The following LMO7 variants were observed in gnomAD, a reference collection of about 807,000 sequenced individuals.
The protein encoded by LMO7 is LIM domain 7.
Under a neutral mutation model 206.5 loss-of-function variants are expected in LMO7, and 120 were observed. The observed-to-expected ratio is 0.58, with a 90% CI of 0.50 to 0.68. The LOEUF (loss-of-function observed/expected upper bound fraction) is 0.68, where lower values mean the gene tolerates loss of function less well. LMO7 is among the 30% of genes least tolerant of loss of function. The pLI, the probability that LMO7 is intolerant of heterozygous loss-of-function variation, is 0.00. For synonymous variants in LMO7, 706 were observed against 681.5 expected (o/e 1.04, Z -0.56); for missense variants, 1,959 against 1,957.9 (o/e 1.00, Z -0.01).
chr13:75,711,177 G>T (rs2043082039), intron 1 of LMO7, among the ~76,000 whole-genome samples: 2 of 152,324 alleles, frequency 1.3e-5, no homozygotes, highest in Admixed American at 6.5e-5. Flanking sequence ...TAAGCTTCTT[G>T]ATGTGCTGCT....
At chr13:75,649,452 G>A (rs528439415) in intron 1 of LMO7, among the ~76,000 whole-genome samples, 32 of 152,274 alleles carry the variant, frequency 2.1e-4, no homozygotes, top group Middle Eastern at 6.8e-3. Context: ...ATAGTGTTCC[G>A]GACTAGAAGT....
intron 1 of LMO7, among the ~76,000 whole-genome samples, chr13:75,692,535 A>G (rs2041576561): frequency 1.3e-5 from 2 of 151,894 alleles, no homozygotes; most frequent in Non-Finnish European, 2.9e-5. Context: ...ACAGGCGCAC[A>G]CCACCATGCC....
chr13:75,700,652 C>T (rs2042225148), intron 1 of LMO7, among the ~76,000 whole-genome samples: 3 of 152,220 alleles, frequency 2.0e-5, no homozygotes, highest in African/African-American at 7.2e-5. Flanking sequence ...ATTAGGTCAA[C>T]CATGGGTGAC....
intron 1 of LMO7, among the ~76,000 whole-genome samples, chr13:75,711,867 A>T (rs1473717477): frequency 6.6e-6 from 1 of 152,224 alleles, no homozygotes; most frequent in Non-Finnish European, 1.5e-5. Context: ...AATGCCTGTA[A>T]CAGACACTCA....
At chr13:75,766,754 T>C (rs80039730) in intron 4 of LMO7, among the ~76,000 whole-genome samples, 1 of 152,126 alleles carries the variant, frequency 6.6e-6, no homozygotes, top group Non-Finnish European at 1.5e-5. Flanking sequence ...TTCTAGAGAC[T>C]TGAAACTATT....
At chr13:75,632,395 C>A (rs1408222237), upstream of LMO7, among the ~76,000 whole-genome samples, 2 of 152,074 alleles carry the variant, frequency 1.3e-5, no homozygotes, top group East Asian at 1.9e-4. Context: ...ATGAAATCTC[C>A]ATTTTTTAGG....
intron 1 of LMO7, among the ~76,000 whole-genome samples, chr13:75,685,794 G>T (rs2040922872): frequency 6.6e-6 from 1 of 151,778 alleles, no homozygotes; most frequent in South Asian, 2.1e-4. Flanking sequence ...TGAAATGAGG[G>T]ATGATAAATA....
chr13:75,844,313 ATG>A (rs921549767), intron 25 of LMO7, among the ~76,000 whole-genome samples: 21 of 151,586 alleles, frequency 1.4e-4, no homozygotes, highest in African/African-American at 5.1e-4. Flanking sequence ...ATTTACACAT[ATG>A]TAATATATAC....
chr13:75,724,132 G>A (rs971119854), intron 2 of LMO7, among the ~76,000 whole-genome samples: 1 of 152,082 alleles, frequency 6.6e-6, no homozygotes, highest in Non-Finnish European at 1.5e-5. Flanking sequence ...TGAGGTTTGG[G>A]AGGAATTCCA....
At chr13:75,733,897 C>T (rs924505308) in intron 3 of LMO7, among the ~76,000 whole-genome samples, 2 of 152,224 alleles carry the variant, frequency 1.3e-5, no homozygotes, top group Non-Finnish European at 2.9e-5. Flanking sequence ...TTCTGAAGCT[C>T]AGCCCTGTGT....
intron 4 of LMO7, among the ~76,000 whole-genome samples, chr13:75,779,979 C>T (rs545699422): frequency 6.6e-5 from 10 of 152,014 alleles, no homozygotes; most frequent in Non-Finnish European, 1.3e-4. Flanking sequence ...CCCCCTGAGC[C>T]GCAAAACCAG....
rs189310936 is a variant in LMO7 at position 75,745,235 on chromosome 13, G to A, written c.211-15697G>A. Among the ~76,000 whole-genome samples the A allele has an allele frequency of 1.4e-3, 208 of 152,240 alleles. 1 individual carries two copies. The highest frequency in any genetic ancestry group is 0.014 in the Middle Eastern group (4 of 294). On this transcript the variant is annotated intron_variant, in intron 3 of 30. Transcript: ENST00000377534. ...AGAATGAGAAGAAGTAGTCAAGTGA[G>A]GCTGTTAAGGCATCATGGGCTTTGT...
At chr13:75,734,608 T>C (rs757717963) in intron 3 of LMO7, among the ~76,000 whole-genome samples, 3 of 152,180 alleles carry the variant, frequency 2.0e-5, no homozygotes, top group Non-Finnish European at 4.4e-5. Flanking sequence ...ATAAGGGTGT[T>C]GGTTGCAGAG....
chr13:75,800,540 T>G (rs1271370663), intron 6 of LMO7, 144 bp from the exon 7 acceptor site: 2 of 675,206 alleles, frequency 3.0e-6, no homozygotes, highest in Non-Finnish European at 5.0e-6. Context: ...ATCAGCTTTT[T>G]GCTGTGTCCG....
upstream of LMO7, chr13:75,631,878 T>C (rs1470043994): frequency 6.6e-6 from 1 of 152,194 alleles, no homozygotes. Context: ...TCTACCGCCG[T>C]TACTCATTCT....
chr13:75,769,680 C>T (rs958951729), intron 4 of LMO7, among the ~76,000 whole-genome samples: 1 of 152,026 alleles, frequency 6.6e-6, no homozygotes, highest in Non-Finnish European at 1.5e-5. Flanking sequence ...GGGAGAAGCA[C>T]CTGCTTTGAA....
At chr13:75,642,330 C>T (rs1235573040) in intron 1 of LMO7, among the ~76,000 whole-genome samples, 1 of 150,260 alleles carries the variant, frequency 6.7e-6, no homozygotes, top group Non-Finnish European at 1.5e-5. Context: ...GTCAGCCAGA[C>T]ATGGTGGCTC....
At chr13:75,737,842 C>CAA (rs768622923) in intron 3 of LMO7, among the ~76,000 whole-genome samples, 11,847 of 37,580 alleles carry the variant, frequency 0.32, 2,367 homozygotes, top group East Asian at 0.52. Context: ...AGGAAGCTGC[C>CAA]AAAAAAAAAA....
intron 11 of LMO7, among the ~76,000 whole-genome samples, chr13:75,814,608 G>A (rs2056789664): frequency 1.3e-5 from 2 of 152,168 alleles, no homozygotes. Context: ...TTCAGGTACA[G>A]GTGATGTACC....
Sources: gnomAD v4.1 joint callset for allele counts (sites outside exome capture counted in the v4.1 genomes callset) on GRCh38, gnomAD v4.1.1 for gene constraint, MANE v1.5 for transcripts, NCBI Gene and HGNC (gene_info 2026-07-23, HGNC 2026-07-21) for gene names.